Variants in RAPGEF1 observed in about 807,000 individuals in gnomAD.
RAPGEF1 encodes the protein CRK SH3-binding GNRP.
A neutral mutation model predicts 143.3 loss-of-function variants in RAPGEF1; 33 were observed. The ratio of observed to expected loss-of-function variants is 0.23; its 90% CI spans 0.17 to 0.31. RAPGEF1 has a LOEUF of 0.31. Among genes scored for constraint, RAPGEF1 ranks in the 10% least tolerant of loss-of-function variants. The pLI is 1.00. For missense variants in RAPGEF1, 1,199 were observed against 1,645.4 expected, an observed-to-expected ratio of 0.73 and a Z score of 4.69; for synonymous variants, 629 against 676.5, an observed-to-expected ratio of 0.93 and a Z score of 1.09.
rs1341722167 is a variant in RAPGEF1, at chr9:131,605,214, CA to C, written c.2062-27del. On this transcript the variant is annotated intron_variant, in intron 12 of 26. Coordinates refer to ENST00000683357, the MANE Select transcript of RAPGEF1 (RefSeq NM_001377935.1). ...CTACAGAATCCAGGTGGAGAACAAA[CA>C]AAAACGAGAATACAAGAAGAAAAGA... 3 of 1,275,378 alleles carry C rather than the reference CA, an allele frequency of 2.4e-6. No individual in the cohort carries two copies. The African/African-American group carries it at 4.7e-5, about 20-fold the overall frequency. The allele number at this position is 1,275,378 out of a possible 1,614,324, so 79.0% of individuals were successfully genotyped here. A position where few individuals can be genotyped will look rare whatever the true frequency, so the allele number is the denominator to read the frequency against.
At chr9:131,586,952 C>A (rs1368556263) in intron 22 of RAPGEF1, among the ~76,000 whole-genome samples, 1 of 66,866 alleles carries the variant, frequency 1.5e-5, no homozygotes, top group Non-Finnish European at 2.7e-5. Flanking sequence ...ACCTGCAGAG[C>A]GAGACTCCGT....
rs149591630 is a variant in RAPGEF1 at position 131,590,122 on chromosome 9, G to A, written c.2775-144C>T. The stretch of plus-strand genomic sequence containing the variant: ...CACTGGCATCCAGAAACGAGGGCAC[G>A]GGACTAGCGCAGTGGAACAACTGCA... On this transcript the variant is annotated intron_variant, in intron 18 of 26. Transcript: ENST00000683357. 450 of 717,198 alleles carry A rather than the reference G, an allele frequency of 6.3e-4. 1 individual carries two copies. The highest frequency in any genetic ancestry group is 6.0e-3 in the African/African-American group (345 of 57,806). 44.4% of individuals were successfully genotyped at this position (717,198 alleles called of 1,614,324 possible). A position where few individuals can be genotyped will look rare whatever the true frequency, so the allele number is the denominator to read the frequency against.
At chr9:131,736,200 C>A (rs1837403437) in intron 1 of RAPGEF1, among the ~76,000 whole-genome samples, 1 of 152,182 alleles carries the variant, frequency 6.6e-6, no homozygotes, top group African/African-American at 2.4e-5. Flanking sequence ...CCTCTGCAGG[C>A]CTGCCCACAA....
chr9:131,628,747 G>T lies in RAPGEF1; in HGVS notation c.894-75C>A. On this transcript the variant is annotated intron_variant, in intron 7 of 26. Transcript: ENST00000683357. The surrounding 1 kb of genome is among the most constrained non-coding windows in gnomAD (Gnocchi z 5.7). ...TCTTCAGCGTGATATTGGGGTACAG[G>T]ATGTGGGGTTCTTTCATTACTAGAC... 6.6e-7 allele frequency: 1 copy of T among 1,508,166 alleles called. No homozygotes were observed. 93.4% of individuals were successfully genotyped at this position (1,508,166 alleles called of 1,614,324 possible). A position where few individuals can be genotyped will look rare whatever the true frequency, so the allele number is the denominator to read the frequency against.
intron 1 of RAPGEF1, among the ~76,000 whole-genome samples, chr9:131,725,992 C>T (rs998309619): frequency 6.6e-6 from 1 of 151,856 alleles, no homozygotes; most frequent in African/African-American, 2.4e-5. Flanking sequence ...ATCTCCTGAC[C>T]TCGTGATTCA....
intron 19 of RAPGEF1, among the ~76,000 whole-genome samples, chr9:131,589,517 AAC>A (rs1953822094): frequency 6.6e-6 from 1 of 152,202 alleles, no homozygotes; most frequent in East Asian, 1.9e-4. Flanking sequence ...CAGCCATGGA[AAC>A]ACTGAGGAGC....
chr9:131,711,446 T>C (rs1002855444), intron 1 of RAPGEF1, among the ~76,000 whole-genome samples: 2 of 151,722 alleles, frequency 1.3e-5, no homozygotes, highest in Non-Finnish European at 2.9e-5. Context: ...CAACCTCTGC[T>C]TCCTAAGCTC....
chr9:131,709,021 C>T (rs1169894079), intron 1 of RAPGEF1, among the ~76,000 whole-genome samples: 1 of 152,208 alleles, frequency 6.6e-6, no homozygotes, highest in Non-Finnish European at 1.5e-5. Flanking sequence ...GCGTGAGCCC[C>T]TGTGCCTGGC....
intron 1 of RAPGEF1, among the ~76,000 whole-genome samples, chr9:131,704,361 G>C (rs893557677): frequency 1.3e-5 from 2 of 151,296 alleles, no homozygotes; most frequent in Non-Finnish European, 2.9e-5. Context: ...AGCAACCACT[G>C]GCATTCAAAA....
chr9:131,612,586 G>A (rs760967455), intron 12 of RAPGEF1, among the ~76,000 whole-genome samples: 4 of 152,150 alleles, frequency 2.6e-5, no homozygotes, highest in African/African-American at 4.8e-5. Context: ...AGGTAACGCC[G>A]TCTCCTCCAG....
At chr9:131,712,425 A>C (rs1325371926) in intron 1 of RAPGEF1, among the ~76,000 whole-genome samples, 3 of 152,176 alleles carry the variant, frequency 2.0e-5, no homozygotes, top group Non-Finnish European at 4.4e-5. Context: ...ATCCATAAAC[A>C]ACCTCTCCTC....
chr9:131,731,888 G>A (rs561363335), intron 1 of RAPGEF1, among the ~76,000 whole-genome samples: 22 of 152,350 alleles, frequency 1.4e-4, no homozygotes, highest in East Asian at 1.2e-3. Flanking sequence ...AGGAGTCGTG[G>A]TGTTCCGGGA....
In RAPGEF1 at chr9:131,578,067, CCACGTCCTAAACCCGGGACAAGTGAG is replaced by C. The variant is rs1460380056; in HGVS notation, c.*1404_*1429del. 1.3e-5 allele frequency: 2 copies of C among 152,234 alleles called. No individual in the cohort carries two copies. Among genetic ancestry groups the C allele is most frequent in the African/African-American group, 4.8e-5 (2 of 41,452 alleles). The allele number at this position is 152,234 out of a possible 1,614,324, so 9.4% of individuals were successfully genotyped here. ...CAGTTAGACCCTGCTGTTCACTTGACCACGTCCTAAACCCGGGACAAGTGAGCACTCATTCATGCACAGCAGACCCG... is the reference window on the plus strand; with the variant it reads ...CAGTTAGACCCTGCTGTTCACTTGACCACTCATTCATGCACAGCAGACCCG... On this transcript the variant is annotated 3_prime_UTR_variant, in exon 27 of 27. Transcript: ENST00000683357.
chr9:131,638,107 C>A (rs1376465874), intron 5 of RAPGEF1, among the ~76,000 whole-genome samples: 3 of 152,226 alleles, frequency 2.0e-5, no homozygotes, highest in Non-Finnish European at 4.4e-5. Context: ...CCTTCTATGG[C>A]CTTTGCTTCC....
intron 12 of RAPGEF1, among the ~76,000 whole-genome samples, chr9:131,616,341 T>C (rs1206664200): frequency 1.3e-5 from 2 of 152,182 alleles, no homozygotes; most frequent in African/African-American, 2.4e-5. Flanking sequence ...CAGATGTTCT[T>C]TGGTTCTGCG....
chr9:131,628,220 C>T lies in RAPGEF1; in HGVS notation c.1018-124G>A. ...ACTGCCAGGCGAACTCAGAAACCAC[C>T]TCTGACGTCAGTAGTCGAAGGACAC... On this transcript the variant is annotated intron_variant, in intron 8 of 26. Coordinates refer to ENST00000683357, the MANE Select transcript of RAPGEF1 (RefSeq NM_001377935.1). This position sits in a 1 kb window ranked among gnomAD's most constrained non-coding sequence, Gnocchi z 5.7. 3.2e-6 allele frequency: 3 copies of T among 929,624 alleles called. No homozygotes were observed. The highest frequency in any genetic ancestry group is 3.1e-6 in the Non-Finnish European group (2 of 638,238). 57.6% of individuals were successfully genotyped at this position (929,624 alleles called of 1,614,324 possible). A position where few individuals can be genotyped will look rare whatever the true frequency, so the allele number is the denominator to read the frequency against.
chr9:131,713,354 T>G (rs1376951589), intron 1 of RAPGEF1, among the ~76,000 whole-genome samples: 2 of 152,158 alleles, frequency 1.3e-5, no homozygotes, highest in Non-Finnish European at 2.9e-5. Flanking sequence ...ATTTCACAGA[T>G]TCCTCAGAGA....
chr9:131,593,448 G>A (rs1268380564), intron 17 of RAPGEF1, among the ~76,000 whole-genome samples: 3 of 152,342 alleles, frequency 2.0e-5, no homozygotes, highest in South Asian at 2.1e-4. Context: ...AGGAGGCTCC[G>A]CAGCTGTGCT....
chr9:131,580,663 C>T (rs1054232499), intron 25 of RAPGEF1, among the ~76,000 whole-genome samples: 3 of 151,884 alleles, frequency 2.0e-5, no homozygotes, highest in Non-Finnish European at 4.4e-5. Context: ...CCCATAAGGG[C>T]GAAGCTGTGG....
Sources: gnomAD v4.1 joint callset for allele counts (sites outside exome capture counted in the v4.1 genomes callset) on GRCh38, gnomAD v4.1.1 for gene constraint, Gnocchi (gnomAD v3.1) non-coding constraint, MANE v1.5 for transcripts, NCBI Gene and HGNC (gene_info 2026-07-23, HGNC 2026-07-21) for gene names.